TMEM132D: variants seen among roughly 807,000 people sequenced by gnomAD.
TMEM132D encodes mature OL transmembrane protein.
Under a neutral mutation model 62.3 loss-of-function variants are expected in TMEM132D, and 21 were observed. The ratio of observed to expected loss-of-function variants is 0.34; its 90% CI spans 0.24 to 0.49. The LOEUF is 0.49. Ranked by LOEUF, TMEM132D falls within the 20% of genes least tolerant of loss-of-function variation. The pLI, the probability that TMEM132D is intolerant of heterozygous loss-of-function variation, is 0.99. For synonymous variants in TMEM132D, 621 were observed against 575.6 expected, an observed-to-expected ratio of 1.08 and a Z score of -1.13; for missense variants, 1,346 against 1,402.8, an observed-to-expected ratio of 0.96 and a Z score of 0.65.
intron 3 of TMEM132D, among the ~76,000 whole-genome samples, chr12:129,418,271 T>C (rs183498274): frequency 6.6e-6 from 1 of 152,182 alleles, no homozygotes; most frequent in African/African-American, 2.4e-5. Context: ...TGTATGTTAA[T>C]TGCAGCACCA....
intron 4 of TMEM132D, among the ~76,000 whole-genome samples, chr12:129,218,308 C>T (rs1879264424): frequency 6.6e-6 from 1 of 152,098 alleles, no homozygotes; most frequent in East Asian, 1.9e-4. Flanking sequence ...GGATACATTC[C>T]GAGAAATGCA....
chr12:129,385,908 A>G (rs970083521), intron 3 of TMEM132D, among the ~76,000 whole-genome samples: 2 of 152,204 alleles, frequency 1.3e-5, no homozygotes, highest in African/African-American at 4.8e-5. Context: ...GAGGCCCCAG[A>G]AAGATCAAAA....
At chr12:129,328,231 C>T (rs901569638) in intron 4 of TMEM132D, among the ~76,000 whole-genome samples, 12 of 152,240 alleles carry the variant, frequency 7.9e-5, no homozygotes, top group Non-Finnish European at 1.8e-4. Flanking sequence ...AATTATCTTG[C>T]TCAATTATTT....
chr12:129,487,109 C>T (rs970726181), intron 3 of TMEM132D, among the ~76,000 whole-genome samples: 1 of 151,852 alleles, frequency 6.6e-6, no homozygotes, highest in South Asian at 2.1e-4. Flanking sequence ...TTCAGCTGAA[C>T]CTTGATGATA....
chr12:129,258,324 A>T (rs1880462980), intron 4 of TMEM132D, among the ~76,000 whole-genome samples: 1 of 152,068 alleles, frequency 6.6e-6, no homozygotes, highest in African/African-American at 2.4e-5. Flanking sequence ...TTATTATTAT[A>T]ATCATCATTA....
intron 3 of TMEM132D, among the ~76,000 whole-genome samples, chr12:129,422,237 A>G (rs553722060): frequency 2.0e-5 from 3 of 152,350 alleles, no homozygotes; most frequent in Admixed American, 6.5e-5. Flanking sequence ...ACAATTTTTT[A>G]AATTTTATTG....
intron 1 of TMEM132D, among the ~76,000 whole-genome samples, chr12:129,808,708 T>G (rs535820092): frequency 1.8e-4 from 28 of 152,040 alleles, no homozygotes; most frequent in African/African-American, 6.5e-4. Flanking sequence ...TTTAACAAAC[T>G]CCTTTCAGCT....
At chr12:129,364,050 T>C (rs961379052) in intron 3 of TMEM132D, among the ~76,000 whole-genome samples, 1 of 152,246 alleles carries the variant, frequency 6.6e-6, no homozygotes, top group African/African-American at 2.4e-5. Context: ...TAACAGTTCA[T>C]GTCACTCACG....
intron 3 of TMEM132D, among the ~76,000 whole-genome samples, chr12:129,341,122 C>T (rs74716975): frequency 0.013 from 1,970 of 152,320 alleles, 52 homozygotes; most frequent in African/African-American, 0.045. Flanking sequence ...TTTCCAAACT[C>T]TTGCGTAGTA....
In TMEM132D at chr12:129,612,531, A is replaced by G. The variant is rs1009901079; in HGVS notation, c.969-81326T>C. 3.9e-5 allele frequency among the ~76,000 whole-genome samples: 6 copies of G among 152,304 alleles called. No homozygotes were observed. The East Asian group carries it at 1.2e-3, about 29-fold the overall frequency. On this transcript the variant is annotated intron_variant, in intron 2 of 8. Coordinates refer to ENST00000422113, the MANE Select transcript of TMEM132D (RefSeq NM_133448.3). ...CCTTAAAAGTGTAGTAACGTAGTAG[A>G]CTTACTCTTACAGGCTTAAAGCTTA...
intron 1 of TMEM132D, among the ~76,000 whole-genome samples, chr12:129,808,335 T>C (rs1872061515): frequency 6.6e-6 from 1 of 152,106 alleles, no homozygotes; most frequent in Non-Finnish European, 1.5e-5. Flanking sequence ...ATAACTCACA[T>C]ATTAAAAGAA....
chr12:129,728,164 C>T (rs1357319845), intron 1 of TMEM132D, among the ~76,000 whole-genome samples: 1 of 152,174 alleles, frequency 6.6e-6, no homozygotes, highest in Non-Finnish European at 1.5e-5. Flanking sequence ...CACATCAATC[C>T]ATCATGAAAC....
chr12:129,680,891 G>A (rs1327354433), intron 2 of TMEM132D, among the ~76,000 whole-genome samples: 1 of 152,186 alleles, frequency 6.6e-6, no homozygotes, highest in Non-Finnish European at 1.5e-5. Context: ...AGGGCTACCT[G>A]GTGGGAGCTG....
chr12:129,478,188 T>A (rs1189039827), intron 3 of TMEM132D, among the ~76,000 whole-genome samples: 1 of 152,350 alleles, frequency 6.6e-6, no homozygotes, highest in African/African-American at 2.4e-5. Context: ...TTACCATGAA[T>A]AAATCTTGCA....
rs889383030 is a variant in TMEM132D, at chr12:129,395,701, A to C, written c.1116-57884T>G. ...TCTGTATATGTATATCTACATAGAT[A>C]TATCTGTATATCTACATCTACATAC... is the stretch of plus-strand genomic sequence containing the variant. On this transcript the variant is annotated intron_variant, in intron 3 of 8. Coordinates refer to ENST00000422113, the MANE Select transcript of TMEM132D (RefSeq NM_133448.3). Among the ~76,000 whole-genome samples, 7 of 102,242 alleles carry C rather than the reference A, an allele frequency of 6.8e-5. No individual in the cohort carries two copies. In the East Asian group the frequency reaches 2.8e-3, roughly 41 times the overall value. 67.1% of individuals were successfully genotyped at this position (102,242 alleles called of 152,430 possible). A position where few individuals can be genotyped will look rare whatever the true frequency, so the allele number is the denominator to read the frequency against.
At chr12:129,267,096 T>C (rs990464520) in intron 4 of TMEM132D, among the ~76,000 whole-genome samples, 1 of 152,190 alleles carries the variant, frequency 6.6e-6, no homozygotes, top group Non-Finnish European at 1.5e-5. Flanking sequence ...TCATCCCTTC[T>C]CTTCCTCATT....
At chr12:129,710,347 G>T (rs1242333850) in intron 1 of TMEM132D, among the ~76,000 whole-genome samples, 1 of 151,946 alleles carries the variant, frequency 6.6e-6, no homozygotes, top group Non-Finnish European at 1.5e-5. Context: ...CCAGGCTGGA[G>T]GGCAATGGTG....
Position 129,230,355 on chromosome 12 carries a change from T to C in TMEM132D, c.1300-20692A>G, listed in dbSNP as rs990391129. On this transcript the variant is annotated intron_variant, in intron 4 of 8. Coordinates refer to ENST00000422113, the MANE Select transcript of TMEM132D (RefSeq NM_133448.3). Reference sequence around the variant, plus strand: ...CCATCCCCTTCCTCAGCTCCTTCTGTGTATGTGGGGCTGTGATTCTATGAT... The same window carrying C: ...CCATCCCCTTCCTCAGCTCCTTCTGCGTATGTGGGGCTGTGATTCTATGAT... 4.6e-5 allele frequency among the ~76,000 whole-genome samples: 7 copies of C among 151,926 alleles called. No individual in the cohort carries two copies. In the East Asian group the frequency reaches 1.4e-3, roughly 29 times the overall value.
intron 2 of TMEM132D, among the ~76,000 whole-genome samples, chr12:129,676,045 G>A (rs941190583): frequency 2.0e-5 from 3 of 152,184 alleles, no homozygotes; most frequent in Non-Finnish European, 4.4e-5. Flanking sequence ...TGTGTGCTAT[G>A]TGCCCAGCAC....
Sources: gnomAD v4.1 joint callset for allele counts (sites outside exome capture counted in the v4.1 genomes callset) on GRCh38, gnomAD v4.1.1 for gene constraint, MANE v1.5 for transcripts, NCBI Gene and HGNC (gene_info 2026-07-23, HGNC 2026-07-21) for gene names.